ZNF497: variants seen among roughly 807,000 people sequenced by gnomAD.
The protein encoded by ZNF497 is zinc finger-like protein.
For missense variants in ZNF497, 930 were observed against 714.0 expected (o/e 1.30, Z -3.45); for synonymous variants, 422 against 313.7 (o/e 1.35, Z -3.65).
In ZNF497 at chr19:58,360,767, C is replaced by CTTTTTTTTT. The variant is rs551580074; in HGVS notation, c.-112+1901_-112+1909dup. Among the ~76,000 whole-genome samples the CTTTTTTTTT allele has an allele frequency of 3.2e-4, 11 of 34,528 alleles. 5 individuals carry two copies. The highest frequency in any genetic ancestry group is 5.9e-4 in the African/African-American group (5 of 8,510). The allele number at this position is 34,528 out of a possible 152,430, so 22.7% of individuals were successfully genotyped here. ...ATGTTGGCCAGGCTGGTCCCGAACT[C>CTTTTTTTTT]TTTTTTTTTTTTTTTTTTTTTTTTT... is the stretch of plus-strand genomic sequence containing the variant. On this transcript the variant is annotated intron_variant, in intron 1 of 2. Coordinates refer to ENST00000311044, the MANE Select transcript of ZNF497 (RefSeq NM_198458.3).
chr19:58,359,309 G>A (rs1205474340), intron 1 of ZNF497: 2 of 1,257,982 alleles, frequency 1.6e-6, no homozygotes, highest in African/African-American at 1.5e-5. Context: ...ATGGCCCAGG[G>A]TACTTTCTCT....
chr19:58,358,291 G>A (rs1291885552), intron 2 of ZNF497, 198 bp downstream of exon 2: 15 of 1,288,556 alleles, frequency 1.2e-5, no homozygotes, highest in Non-Finnish European at 1.5e-5. Context: ...AGATCCCTGA[G>A]AGAGAGAGAG....
At position 58,356,642 on chromosome 19, in the gene ZNF497, A is replaced by G. The variant is rs2052024931; in HGVS notation, c.994T>C (p.Cys332Arg). ...RTHTGERPFE[C>R]AECGQAFVMG... ...ACGAAAGCCTGGCCGCACTCGGCGC[A>G]CTCGAAGGGCCGCTCACCAGTGTGC... is the stretch of plus-strand genomic sequence containing the variant. Residue 332 changes from cysteine to arginine, a missense_variant, in exon 3 of 3, where the codon TGC (cysteine) becomes CGC (arginine). By Grantham distance (180) the Cys-to-Arg change is radical. Transcript: ENST00000311044. 2 of 1,546,326 alleles carry G rather than the reference A, an allele frequency of 1.3e-6. No individual in the cohort carries two copies. The highest frequency in any genetic ancestry group is 1.7e-6 in the Non-Finnish European group (2 of 1,151,350).
chr19:58,356,505 C>G lies in ZNF497; in HGVS notation c.1131G>C (p.Arg377=). 2.6e-6 allele frequency: 4 copies of G among 1,549,382 alleles called. No individual in the cohort carries two copies. Among genetic ancestry groups the G allele is most frequent in the Non-Finnish European group, 3.5e-6 (4 of 1,153,030 alleles). Residue 377 remains arginine, a synonymous_variant, in exon 3 of 3, where the codon CGG becomes CGC. Transcript: ENST00000311044. ...FSQRSNLLSH[R]RTHSGAKPFA... ...AGGGCTTGGCGCCCGAGTGCGTGCG[C>G]CGGTGGCTCAGTAGGTTGGAGCGCT...
chr19:58,358,054 G>A, intron 2 of ZNF497: 1 of 1,220,044 alleles, frequency 8.2e-7, no homozygotes, highest in South Asian at 1.5e-5. Context: ...GAACACGATG[G>A]ACCCGTCTCC....
At chr19:58,360,655 A>T (rs916453547) in intron 1 of ZNF497, among the ~76,000 whole-genome samples, 1 of 151,454 alleles carries the variant, frequency 6.6e-6, no homozygotes, top group Admixed American at 6.6e-5. Flanking sequence ...CAGCCTCCCC[A>T]GTAGCTGGGA....
rs1021769681 is a variant in ZNF497, at chr19:58,356,007, C to G, written c.*132G>C. ...AGCCAGGGTTCTCCACACCCAAGGC[C>G]GCCCCTGCACTCCCAGCAGGAGGGC... On this transcript the variant is annotated 3_prime_UTR_variant, in exon 3 of 3. Coordinates refer to ENST00000311044, the MANE Select transcript of ZNF497 (RefSeq NM_198458.3). The G allele has an allele frequency of 4.7e-6, 5 of 1,054,766 alleles. No individual in the cohort carries two copies. The highest frequency in any genetic ancestry group is 5.3e-6 in the Non-Finnish European group (4 of 758,808). The allele number at this position is 1,054,766 out of a possible 1,614,324, so 65.3% of individuals were successfully genotyped here. A position where few individuals can be genotyped will look rare whatever the true frequency, so the allele number is the denominator to read the frequency against.
At chr19:58,359,006 G>T in intron 1 of ZNF497, 1 of 488,020 alleles carries the variant, frequency 2.0e-6, no homozygotes, top group South Asian at 1.5e-5. Context: ...CTGGATCTCT[G>T]GGAGCAGTGT....
chr19:58,361,228 T>C (rs1249605836), intron 1 of ZNF497, among the ~76,000 whole-genome samples: 1 of 152,092 alleles, frequency 6.6e-6, no homozygotes, highest in East Asian at 1.9e-4. Flanking sequence ...AGATTACTAG[T>C]TGACAAAAAG....
In ZNF497 at chr19:58,356,662, G is replaced by A; in HGVS notation, c.974C>T (p.Thr325Ile). 6.4e-7 allele frequency: 1 copy of A among 1,550,464 alleles called. No individual in the cohort carries two copies. The highest frequency in any genetic ancestry group is 8.7e-7 in the Non-Finnish European group (1 of 1,153,400). ...SQLLQHQRTHTGERPFECAEC... is the reference protein window; with the variant it reads ...SQLLQHQRTHIGERPFECAEC... ...GGCGCACTCGAAGGGCCGCTCACCA[G>A]TGTGCGTGCGCTGGTGCTGCAGGAG... Residue 325 changes from threonine (T) to isoleucine (I), a missense_variant, in exon 3 of 3, where the codon ACT becomes ATT. Transcript: ENST00000311044.
chr19:58,357,929 A>G lies in ZNF497; in HGVS notation c.-14-280T>C, dbSNP rs1382454452. 5 of 1,347,580 alleles carry G rather than the reference A, an allele frequency of 3.7e-6. No individual in the cohort carries two copies. The African/African-American group carries it at 5.9e-5, about 16-fold the overall frequency. 83.5% of individuals were successfully genotyped at this position (1,347,580 alleles called of 1,614,324 possible). A position where few individuals can be genotyped will look rare whatever the true frequency, so the allele number is the denominator to read the frequency against. On this transcript the variant is annotated intron_variant, in intron 2 of 2. Coordinates refer to ENST00000311044, the MANE Select transcript of ZNF497 (RefSeq NM_198458.3). ...GGGGAGGGGGCGCCAGCATCGCAGA[A>G]GGACTCAAAGTTGCCCACGCACCTG...
rs563086974 is a variant in ZNF497 at position 58,358,204 on chromosome 19, T to C, written c.-15+285A>G. ...CAGGCTGGAGGATCTCAGTGGCTGT[T>C]ACCCAGGCAATGTCCACACCAGGCC... On this transcript the variant is annotated intron_variant, in intron 2 of 2. Transcript: ENST00000311044. 1.7e-4 allele frequency: 222 copies of C among 1,289,902 alleles called. No individual in the cohort carries two copies. In the African/African-American group the frequency reaches 3.1e-3, roughly 18 times the overall value. The allele number at this position is 1,289,902 out of a possible 1,614,324, so 79.9% of individuals were successfully genotyped here. A position where few individuals can be genotyped will look rare whatever the true frequency, so the allele number is the denominator to read the frequency against.
Position 58,356,030 on chromosome 19 carries a change from G to A in ZNF497, c.*109C>T, listed in dbSNP as rs1193718780. 2.3e-6 allele frequency: 3 copies of A among 1,294,842 alleles called. No individual in the cohort carries two copies. Among genetic ancestry groups the A allele is most frequent in the African/African-American group, 3.0e-5 (2 of 65,700 alleles). 80.2% of individuals were successfully genotyped at this position (1,294,842 alleles called of 1,614,324 possible). ...GCCGCCCCTGCACTCCCAGCAGGAG[G>A]GCGCCCGCACCGGCGGCCCGAAAAA... On this transcript the variant is annotated 3_prime_UTR_variant, in exon 3 of 3. Coordinates refer to ENST00000311044, the MANE Select transcript of ZNF497 (RefSeq NM_198458.3).
At position 58,356,636 on chromosome 19, in the gene ZNF497, C is replaced by T; in HGVS notation, c.1000G>A (p.Glu334Lys). ...HTGERPFECA[E>K]CGQAFVMGSY... ...CCCATGACGAAAGCCTGGCCGCACT[C>T]GGCGCACTCGAAGGGCCGCTCACCA... Residue 334 changes from glutamate (E) to lysine (K), a missense_variant, in exon 3 of 3, where the codon GAG becomes AAG. Transcript: ENST00000311044. The T allele has an allele frequency of 6.5e-7, 1 of 1,545,396 alleles. No individual in the cohort carries two copies.
chr19:58,356,189 A>G lies in ZNF497; in HGVS notation c.1447T>C (p.Cys483Arg). The part of the protein sequence containing the change: ...GECGKPFSHR[C>R]NLNEHQKRHG... The stretch of plus-strand genomic sequence containing the variant: ...CGCTTCTGGTGCTCGTTGAGGTTGC[A>G]ACGGTGGCTGAAAGGCTTCCCGCAC... The change falls in exon 3 of 3, where the codon TGC becomes CGC. Residue 483 changes from cysteine (C) to arginine (R), a missense_variant. Transcript: ENST00000311044. The G allele has an allele frequency of 6.3e-7, 1 of 1,594,670 alleles. No homozygotes were observed. Among genetic ancestry groups the G allele is most frequent in the Non-Finnish European group, 8.6e-7 (1 of 1,168,754 alleles).
In ZNF497 at chr19:58,355,131, C is replaced by T. The variant is rs1210161962; in HGVS notation, c.*1008G>A. ...CCTTGCAAAACCTGCACAATCAGTC[C>T]CTAACTTATATCCCCTCTGTTTGAA... is the stretch of plus-strand genomic sequence containing the variant. On this transcript the variant is annotated 3_prime_UTR_variant, in exon 3 of 3. Coordinates refer to ENST00000311044, the MANE Select transcript of ZNF497 (RefSeq NM_198458.3). 5 of 152,148 alleles carry T rather than the reference C, an allele frequency of 3.3e-5. No individual in the cohort carries two copies. Among genetic ancestry groups the T allele is most frequent in the Non-Finnish European group, 7.3e-5 (5 of 68,078 alleles). The allele number at this position is 152,148 out of a possible 1,614,324, so 9.4% of individuals were successfully genotyped here.
At position 58,357,131 on chromosome 19, in the gene ZNF497, T is replaced by G. The variant is rs200614748; in HGVS notation, c.505A>C (p.Lys169Gln). The G allele has an allele frequency of 3.1e-6, 5 of 1,602,124 alleles. No individual in the cohort carries two copies. Among genetic ancestry groups the G allele is most frequent in the African/African-American group, 2.7e-5 (2 of 74,508 alleles). ...AGCTGCGAGTGCGCGCGGAAGGCCT[T>G]GCCGCACTCCCTGCAAGCGTAGGGC... The part of the protein sequence containing the change: ...EKPYACRECG[K>Q]AFRAHSQLIH... Residue 169 changes from lysine (K) to glutamine (Q), a missense_variant, in exon 3 of 3, where the codon AAG (lysine) becomes CAG (glutamine). Coordinates refer to ENST00000311044, the MANE Select transcript of ZNF497 (RefSeq NM_198458.3).
chr19:58,359,010 G>T (rs774221750), intron 1 of ZNF497: 2 of 490,900 alleles, frequency 4.1e-6, no homozygotes, highest in South Asian at 3.0e-5. Flanking sequence ...ATCTCTGGGA[G>T]CAGTGTGCCC....
At chr19:58,358,613 G>A (rs952797536) in intron 1 of ZNF497, 28 bp from the exon 2 acceptor site, 3 of 1,139,186 alleles carry the variant, frequency 2.6e-6, no homozygotes, top group African/African-American at 3.3e-5. Context: ...GCAGGGCAGG[G>A]TGAGGTGTTC....
Sources: allele counts gnomAD v4.1 joint callset (sites outside exome capture counted in the v4.1 genomes callset), GRCh38; gene constraint gnomAD v4.1.1; transcripts MANE v1.5; gene names NCBI Gene and HGNC (gene_info 2026-07-23, HGNC 2026-07-21).